IRF2: variants seen among roughly 807,000 people sequenced by gnomAD.
IRF2 encodes interferon regulatory factor 2.
Under a neutral mutation model 40.6 loss-of-function variants are expected in IRF2, and 15 were observed. The observed-to-expected ratio is 0.37, with a 90% CI of 0.25 to 0.57. The LOEUF is 0.57. Ranked by LOEUF, IRF2 falls within the 20% of genes least tolerant of loss-of-function variation. The pLI, the probability that IRF2 is intolerant of heterozygous loss-of-function variation, is 0.77. For synonymous variants in IRF2, 151 were observed against 165.5 expected, an observed-to-expected ratio of 0.91 and a Z score of 0.67; for missense variants, 317 against 455.7, an observed-to-expected ratio of 0.70 and a Z score of 2.77.
In IRF2 at chr4:184,438,687, C is replaced by T. The variant is rs541215781; in HGVS notation, c.-6-9617G>A. 1.6e-4 allele frequency among the ~76,000 whole-genome samples: 24 copies of T among 152,252 alleles called. No homozygotes were observed. In the South Asian group the frequency reaches 4.1e-3, roughly 26 times the overall value. The stretch of plus-strand genomic sequence containing the variant: ...CCTGGGATCACAGGCGTGAGCCCCG[C>T]GCCTGGCCTAATATTTTTAACATTT... On this transcript the variant is annotated intron_variant, in intron 1 of 8. Transcript: ENST00000393593.
intron 6 of IRF2, among the ~76,000 whole-genome samples, chr4:184,405,705 G>A (rs979875508): frequency 6.6e-6 from 1 of 152,208 alleles, no homozygotes; most frequent in Non-Finnish European, 1.5e-5. Context: ...CAGAAACAAG[G>A]GGATGGACTT....
chr4:184,407,242 C>CA (rs1736892076), intron 6 of IRF2: 1 of 1,288,036 alleles, frequency 7.8e-7, no homozygotes, highest in Non-Finnish European at 1.0e-6. Context: ...TCTTCCGTTT[C>CA]CCAAAAACAG....
intron 1 of IRF2, among the ~76,000 whole-genome samples, chr4:184,436,879 CCATTTTATTTTTT>C (rs1283808397): frequency 1.3e-5 from 2 of 152,066 alleles, no homozygotes; most frequent in African/African-American, 4.8e-5. Flanking sequence ...ACTAGTATCC[CCATTTTATTTTTT>C]CATTTTATTT....
intron 1 of IRF2, among the ~76,000 whole-genome samples, chr4:184,435,314 T>C (rs1217618953): frequency 6.6e-6 from 1 of 152,206 alleles, no homozygotes; most frequent in African/African-American, 2.4e-5. Context: ...CCTCTCCGTC[T>C]TGCAAACCAC....
intron 7 of IRF2, among the ~76,000 whole-genome samples, chr4:184,397,879 A>G (rs1736523964): frequency 6.6e-6 from 1 of 152,236 alleles, no homozygotes; most frequent in African/African-American, 2.4e-5. Flanking sequence ...AGATGAAGTA[A>G]TGTTGGCGAA....
At chr4:184,471,205 A>G (rs1332565750) in intron 1 of IRF2, among the ~76,000 whole-genome samples, 4 of 152,232 alleles carry the variant, frequency 2.6e-5, no homozygotes, top group Admixed American at 2.6e-4. Flanking sequence ...TTTCATATAC[A>G]GTATCTCAAT....
chr4:184,440,485 A>G (rs1738264078), intron 1 of IRF2, among the ~76,000 whole-genome samples: 1 of 152,234 alleles, frequency 6.6e-6, no homozygotes, highest in Non-Finnish European at 1.5e-5. Context: ...CTTCCCACAC[A>G]GTGGCCTGGC....
chr4:184,467,043 T>C (rs1739353179), intron 1 of IRF2, among the ~76,000 whole-genome samples: 1 of 152,210 alleles, frequency 6.6e-6, no homozygotes, highest in African/African-American at 2.4e-5. Context: ...ACTTCAGCCA[T>C]GTCCAAGTGA....
chr4:184,401,607 C>T (rs1226146375), intron 6 of IRF2, among the ~76,000 whole-genome samples: 5 of 152,198 alleles, frequency 3.3e-5, no homozygotes, highest in Non-Finnish European at 7.3e-5. Context: ...CGCTGACCTA[C>T]ACCAACCTCT....
At chr4:184,395,743 C>T (rs965225) in intron 7 of IRF2, among the ~76,000 whole-genome samples, 10,525 of 152,320 alleles carry the variant, frequency 0.069, 422 homozygotes, top group Middle Eastern at 0.17. Flanking sequence ...ATGAAAACAA[C>T]GGAAAGAACC....
chr4:184,465,810 A>C (rs1339971571), intron 1 of IRF2, among the ~76,000 whole-genome samples: 5 of 152,344 alleles, frequency 3.3e-5, no homozygotes, highest in African/African-American at 4.8e-5. Flanking sequence ...ATCCGTGTAC[A>C]TACATCTTTG....
At chr4:184,453,669 C>G (rs1222023075) in intron 1 of IRF2, among the ~76,000 whole-genome samples, 1 of 152,140 alleles carries the variant, frequency 6.6e-6, no homozygotes, top group African/African-American at 2.4e-5. Context: ...GTATAGAGAA[C>G]AAGTTCAATA....
chr4:184,405,772 C>T lies in IRF2; in HGVS notation c.529+2386G>A, dbSNP rs115176899. Reference sequence around the variant, plus strand: ...TGACAGCTAATTATAAACGAGGCAGCGGCAGCCAGGGAGAGAGGGAAGGAG... The same window carrying T: ...TGACAGCTAATTATAAACGAGGCAGTGGCAGCCAGGGAGAGAGGGAAGGAG... On this transcript the variant is annotated intron_variant, in intron 6 of 8. Coordinates refer to ENST00000393593, the MANE Select transcript of IRF2 (RefSeq NM_002199.4). Among the ~76,000 whole-genome samples the T allele has an allele frequency of 3.6e-3, 549 of 152,168 alleles. 6 individuals are homozygous for T. The highest frequency in any genetic ancestry group is 0.012 in the African/African-American group (516 of 41,496).
chr4:184,423,292 C>T (rs1007351798), intron 2 of IRF2, among the ~76,000 whole-genome samples: 6 of 152,184 alleles, frequency 3.9e-5, no homozygotes, highest in South Asian at 2.1e-4. Flanking sequence ...ACCATTTGTA[C>T]GTGTGTGCAC....
chr4:184,430,215 CAG>C (rs1737822612), intron 1 of IRF2, among the ~76,000 whole-genome samples: 1 of 152,100 alleles, frequency 6.6e-6, no homozygotes, highest in Non-Finnish European at 1.5e-5. Flanking sequence ...CAGAACATGC[CAG>C]AGTTACAAGC....
rs74919521 is a variant in IRF2, at chr4:184,457,666, G to A, written c.-7+16713C>T. 8.9e-3 allele frequency among the ~76,000 whole-genome samples: 1,360 copies of A among 152,144 alleles called. 28 individuals are homozygous for A. Among genetic ancestry groups the A allele is most frequent in the African/African-American group, 0.031 (1,268 of 41,486 alleles). The stretch of plus-strand genomic sequence containing the variant: ...TAAAAGCACCTCAAAGACAGGCCTG[G>A]CTATTATCAAAGGCACAACCCAGTC... On this transcript the variant is annotated intron_variant, in intron 1 of 8. Coordinates refer to ENST00000393593, the MANE Select transcript of IRF2 (RefSeq NM_002199.4).
intron 6 of IRF2, among the ~76,000 whole-genome samples, chr4:184,402,693 C>A (rs1368038337): frequency 6.6e-6 from 1 of 152,066 alleles, no homozygotes; most frequent in Non-Finnish European, 1.5e-5. Context: ...CGGGACGTGA[C>A]AATTAATGTT....
At chr4:184,418,818 C>A in intron 3 of IRF2, 110 bp from the exon 4 acceptor site, 2 of 862,296 alleles carry the variant, frequency 2.3e-6, no homozygotes, top group Non-Finnish European at 3.6e-6. Context: ...AACCTTTTCA[C>A]TCCATGCTAT....
intron 1 of IRF2, among the ~76,000 whole-genome samples, chr4:184,444,183 T>C (rs1738417079): frequency 6.6e-6 from 1 of 152,188 alleles, no homozygotes; most frequent in Admixed American, 6.5e-5. Flanking sequence ...ATCACTATAC[T>C]GTATATGAGA....
Sources: allele counts gnomAD v4.1 joint callset (sites outside exome capture counted in the v4.1 genomes callset), GRCh38; gene constraint gnomAD v4.1.1; transcripts MANE v1.5; gene names NCBI Gene and HGNC (gene_info 2026-07-23, HGNC 2026-07-21).